Variants in CDH8 observed in about 807,000 individuals in gnomAD.
CDH8 encodes cadherin-8.
Under a neutral mutation model 68.1 loss-of-function variants are expected in CDH8, and 17 were observed. The observed-to-expected ratio is 0.25, with a 90% CI of 0.17 to 0.37. The LOEUF is 0.37. Ranked by LOEUF, CDH8 falls within the 10% of genes least tolerant of loss-of-function variation. The probability of loss-of-function intolerance (pLI) is 1.00; values close to 1 mark genes in which losing one functional copy is unlikely to be tolerated. For missense variants in CDH8, 763 were observed against 999.3 expected (o/e 0.76, Z 3.19); for synonymous variants, 372 against 365.1 (o/e 1.02, Z -0.21).
Position 61,714,003 on chromosome 16 carries a change from G to T in CDH8, c.1537-45C>A, listed in dbSNP as rs773447642. 6.2e-6 allele frequency: 7 copies of T among 1,131,038 alleles called. No homozygotes were observed. The South Asian group carries it at 8.7e-5, about 14-fold the overall frequency. The allele number at this position is 1,131,038 out of a possible 1,614,324, so 70.1% of individuals were successfully genotyped here. A position where few individuals can be genotyped will look rare whatever the true frequency, so the allele number is the denominator to read the frequency against. The stretch of plus-strand genomic sequence containing the variant: ...GTCAGCATTTCTGATGATTTCAGAG[G>T]CTCCTGCCATCGGTAAAAGCTTAGT... On this transcript the variant is annotated intron_variant, in intron 9 of 11. Coordinates refer to ENST00000577390, the MANE Select transcript of CDH8 (RefSeq NM_001796.5).
At chr16:61,736,433 A>T (rs1306319293) in intron 8 of CDH8, among the ~76,000 whole-genome samples, 1 of 152,210 alleles carries the variant, frequency 6.6e-6, no homozygotes, top group Non-Finnish European at 1.5e-5. Flanking sequence ...ATTAGCAAAA[A>T]GCAGACTGAA....
chr16:61,829,862 A>C (rs1962419297), intron 4 of CDH8, among the ~76,000 whole-genome samples: 2 of 151,892 alleles, frequency 1.3e-5, no homozygotes. Context: ...CATCCAAGAC[A>C]GAATTTTTGG....
At chr16:61,855,167 A>G (rs1963019215) in intron 4 of CDH8, among the ~76,000 whole-genome samples, 1 of 152,158 alleles carries the variant, frequency 6.6e-6, no homozygotes, top group Non-Finnish European at 1.5e-5. Context: ...TAAACTATAA[A>G]TCAGACAATT....
chr16:61,918,976 G>C lies in CDH8; in HGVS notation c.253-17503C>G, dbSNP rs1000522580. 6.1e-5 allele frequency among the ~76,000 whole-genome samples: 9 copies of C among 147,648 alleles called. 2 individuals are homozygous for C. The highest frequency in any genetic ancestry group is 4.9e-4 in the Admixed American group (7 of 14,400). Reference sequence around the variant, plus strand: ...GCACGCAGCTGGAGATCTGAGAACCGGCAGACTGCCTCTTCAAGTGGGTCC... The same window carrying C: ...GCACGCAGCTGGAGATCTGAGAACCCGCAGACTGCCTCTTCAAGTGGGTCC... On this transcript the variant is annotated intron_variant, in intron 2 of 11. Coordinates refer to ENST00000577390, the MANE Select transcript of CDH8 (RefSeq NM_001796.5).
chr16:61,669,364 G>A (rs550884065), intron 10 of CDH8, among the ~76,000 whole-genome samples: 2 of 152,098 alleles, frequency 1.3e-5, no homozygotes, highest in Non-Finnish European at 2.9e-5. Flanking sequence ...ATCCCACCCA[G>A]CATGCCGCAA....
At chr16:61,956,787 C>T (rs1448875720) in intron 2 of CDH8, among the ~76,000 whole-genome samples, 7 of 152,190 alleles carry the variant, frequency 4.6e-5, no homozygotes, top group South Asian at 4.2e-4. Context: ...TTTCTTTACC[C>T]GGCACCCTCA....
chr16:61,719,264 C>G (rs767126206), intron 9 of CDH8, among the ~76,000 whole-genome samples: 39 of 151,040 alleles, frequency 2.6e-4, no homozygotes, highest in Non-Finnish European at 3.0e-4. Flanking sequence ...TATTGACACA[C>G]TAAATGAAGT....
intron 8 of CDH8, among the ~76,000 whole-genome samples, chr16:61,769,339 C>T (rs182192094): frequency 3.0e-3 from 456 of 151,928 alleles, no homozygotes; most frequent in Non-Finnish European, 5.6e-3. Flanking sequence ...TACTATGTTA[C>T]ATGCATTATA....
At chr16:61,963,576 T>A (rs1281453499) in intron 2 of CDH8, among the ~76,000 whole-genome samples, 2 of 152,186 alleles carry the variant, frequency 1.3e-5, no homozygotes, top group Non-Finnish European at 2.9e-5. Context: ...GAGGTGTTAA[T>A]CTCCCTTTTT....
chr16:61,921,502 C>T (rs184381743), intron 2 of CDH8, among the ~76,000 whole-genome samples: 6 of 152,138 alleles, frequency 3.9e-5, no homozygotes, highest in Non-Finnish European at 7.4e-5. Context: ...AGCAAATACT[C>T]GAATTTCAGA....
chr16:61,888,266 G>A (rs1963712735), intron 3 of CDH8, among the ~76,000 whole-genome samples: 1 of 152,154 alleles, frequency 6.6e-6, no homozygotes, highest in African/African-American at 2.4e-5. Context: ...CAAGGCATGG[G>A]AATTTGAAGT....
At chr16:61,725,879 C>T (rs1959347420) in intron 9 of CDH8, 1 of 149,954 alleles carries the variant, frequency 6.7e-6, no homozygotes, top group South Asian at 2.1e-4. Context: ...AGAATTTTAG[C>T]TTTAACGTGT....
intron 2 of CDH8, among the ~76,000 whole-genome samples, chr16:61,963,231 A>G (rs1430106515): frequency 6.6e-6 from 1 of 152,122 alleles, no homozygotes; most frequent in East Asian, 1.9e-4. Context: ...AAAAAACTGG[A>G]CCCTAGGCAC....
At chr16:61,882,791 T>A (rs1597039577) in intron 3 of CDH8, among the ~76,000 whole-genome samples, 1 of 152,096 alleles carries the variant, frequency 6.6e-6, no homozygotes, top group African/African-American at 2.4e-5. Context: ...AATACCTGGG[T>A]GATGAAATAA....
chr16:61,729,357 A>T (rs1230191668), intron 8 of CDH8, among the ~76,000 whole-genome samples: 1 of 151,120 alleles, frequency 6.6e-6, no homozygotes, highest in Non-Finnish European at 1.5e-5. Context: ...AATGTTTATA[A>T]ATTTGTTACA....
intron 2 of CDH8, among the ~76,000 whole-genome samples, chr16:62,020,432 A>G (rs923487020): frequency 1.3e-5 from 2 of 152,222 alleles, no homozygotes; most frequent in South Asian, 2.1e-4. Context: ...CACAAAGAAC[A>G]TTTGTCTAAC....
chr16:61,707,876 C>T (rs1232561022), intron 10 of CDH8, among the ~76,000 whole-genome samples: 1 of 152,134 alleles, frequency 6.6e-6, no homozygotes, highest in African/African-American at 2.4e-5. Context: ...AATCCCAAGA[C>T]TGATTTTTAT....
In CDH8 at chr16:61,650,420, T is replaced by C. The variant is rs1963293943; in HGVS notation, c.*3188A>G. 6.6e-6 allele frequency: 1 copy of C among 152,108 alleles called. No homozygotes were observed. The highest frequency in any genetic ancestry group is 2.4e-5 in the African/African-American group (1 of 41,434). The allele number at this position is 152,108 out of a possible 1,614,324, so 9.4% of individuals were successfully genotyped here. On this transcript the variant is annotated 3_prime_UTR_variant, in exon 12 of 12. Transcript: ENST00000577390. Reference sequence around the variant, plus strand: ...CTTGGCTCCAACTTAATCATTCTTCTCTATTTAGCAGAGAGTACTCTTGTT... The same window carrying C: ...CTTGGCTCCAACTTAATCATTCTTCCCTATTTAGCAGAGAGTACTCTTGTT...
rs1206629963 is a variant in CDH8 at position 61,768,314 on chromosome 16, T to TTCTCTC, written c.1414+21026_1414+21031dup. 1.6e-3 allele frequency among the ~76,000 whole-genome samples: 28 copies of TTCTCTC among 17,202 alleles called. 1 individual carries two copies. Among genetic ancestry groups the TTCTCTC allele is most frequent in the South Asian group, 2.7e-3 (1 of 372 alleles). 11.3% of individuals were successfully genotyped at this position (17,202 alleles called of 152,430 possible). A position where few individuals can be genotyped will look rare whatever the true frequency, so the allele number is the denominator to read the frequency against. ...AGGCTCTCTCTCTGTGTCTCTCCCT[T>TTCTCTC]TCTCTCTCTCTCTCTCTCTCTCTCT... On this transcript the variant is annotated intron_variant, in intron 8 of 11. Transcript: ENST00000577390.
Sources: gnomAD v4.1 joint callset for allele counts (sites outside exome capture counted in the v4.1 genomes callset) on GRCh38, gnomAD v4.1.1 for gene constraint, MANE v1.5 for transcripts, NCBI Gene and HGNC (gene_info 2026-07-23, HGNC 2026-07-21) for gene names.